Variants in ZNF568 observed in about 807,000 individuals in gnomAD.
The protein encoded by ZNF568 is zinc finger protein 568, also known as p53 inhibitor of SCO2 activation.
A neutral mutation model predicts 18.1 loss-of-function variants in ZNF568; 11 were observed. That is an observed-to-expected ratio of 0.61 (90% CI 0.38 to 1.00). The LOEUF is 1.00. Among genes scored for constraint, ZNF568 ranks in the 50% least tolerant of loss-of-function variants. The probability of loss-of-function intolerance (pLI) is 0.01; values close to 1 mark genes in which losing one functional copy is unlikely to be tolerated. For synonymous variants in ZNF568, 213 were observed against 246.6 expected, an observed-to-expected ratio of 0.86 and a Z score of 1.28; for missense variants, 639 against 768.2, an observed-to-expected ratio of 0.83 and a Z score of 1.99.
chr19:36,974,447 C>G (rs1227512504), exon 7 of ZNF568: 1 of 1,535,880 alleles, frequency 6.5e-7, no homozygotes, highest in African/African-American at 1.4e-5. Context: ...AACTGCTGTG[C>G]GTCTGAAGTG....
rs1184637065 is a variant in ZNF568, at chr19:36,970,282, T to C, written c.359-4138T>C. On this transcript the variant is annotated intron_variant, in intron 6 of 7. Coordinates refer to the ZNF568 transcript ENST00000427117. ...AAATCAGCCTTTTATTTGGAACTTT[T>C]GCATCTATAACCACAAATGAAATTA... Among the ~76,000 whole-genome samples, 8 of 127,016 alleles carry C rather than the reference T, an allele frequency of 6.3e-5. 3 individuals carry two copies. The highest frequency in any genetic ancestry group is 1.0e-4 in the Non-Finnish European group (6 of 58,192). 83.3% of individuals were successfully genotyped at this position (127,016 alleles called of 152,430 possible). A position where few individuals can be genotyped will look rare whatever the true frequency, so the allele number is the denominator to read the frequency against.
chr19:36,980,378 T>C (rs2074321509), downstream of ZNF568: 1 of 152,190 alleles, frequency 6.6e-6, no homozygotes, highest in African/African-American at 2.4e-5. Flanking sequence ...GGGTGTGGTA[T>C]TTCCATTTGG....
intron 3 of ZNF568, among the ~76,000 whole-genome samples, chr19:36,924,033 G>A (rs1353402074): frequency 6.6e-6 from 1 of 152,038 alleles, no homozygotes; most frequent in African/African-American, 2.4e-5. Context: ...GTTTGGGAGA[G>A]AGTGGAAATA....
At chr19:36,994,712 C>T (rs1460688710) in intron 4 of ZNF568, among the ~76,000 whole-genome samples, 2 of 152,066 alleles carry the variant, frequency 1.3e-5, no homozygotes, top group Non-Finnish European at 1.5e-5. Context: ...AGTGTTGTTG[C>T]CCAGGCTGGA....
At chr19:36,945,737 ATG>A (rs35542484) in intron 6 of ZNF568, among the ~76,000 whole-genome samples, 94,636 of 148,848 alleles carry the variant, frequency 0.64, 32,755 homozygotes, top group Non-Finnish European at 0.78. Flanking sequence ...GTGTGATTAT[ATG>A]TGTGTGTGTG....
intron 2 of ZNF568, among the ~76,000 whole-genome samples, chr19:36,987,299 G>A (rs1380013401): frequency 1.3e-5 from 2 of 152,170 alleles, no homozygotes; most frequent in African/African-American, 2.4e-5. Flanking sequence ...GTGTATCTGG[G>A]TAATTGAGCC....
chr19:36,938,254 A>G (rs2073822450), intron 6 of ZNF568, among the ~76,000 whole-genome samples: 1 of 152,142 alleles, frequency 6.6e-6, no homozygotes, highest in Non-Finnish European at 1.5e-5. Flanking sequence ...TATACATTTC[A>G]CTATAATAAT....
chr19:36,939,105 T>A (rs529014306), intron 6 of ZNF568, among the ~76,000 whole-genome samples: 2 of 152,318 alleles, frequency 1.3e-5, no homozygotes, highest in East Asian at 3.9e-4. Flanking sequence ...AGGTTTTGTG[T>A]TGAGAGTTGG....
intron 6 of ZNF568, among the ~76,000 whole-genome samples, chr19:36,962,802 C>T (rs2074165760): frequency 6.6e-6 from 1 of 151,930 alleles, no homozygotes; most frequent in African/African-American, 2.4e-5. Flanking sequence ...ATATATCATC[C>T]CATTTTCTTT....
At chr19:36,986,208 A>C (rs2074375308) in intron 2 of ZNF568, among the ~76,000 whole-genome samples, 1 of 152,178 alleles carries the variant, frequency 6.6e-6, no homozygotes, top group African/African-American at 2.4e-5. Flanking sequence ...CCAGTCAGGC[A>C]GTTTTCCTAG....
At chr19:36,975,739 C>T (rs2074279598) in intron 7 of ZNF568, among the ~76,000 whole-genome samples, 2 of 95,150 alleles carry the variant, frequency 2.1e-5, no homozygotes, top group South Asian at 7.5e-4. Flanking sequence ...GGCTGGAGTG[C>T]AGTGGTGTGA....
intron 4 of ZNF568, among the ~76,000 whole-genome samples, chr19:36,932,171 T>C (rs2146283596): frequency 6.6e-6 from 1 of 152,364 alleles, no homozygotes; most frequent in East Asian, 1.9e-4. Flanking sequence ...TTATGAATAA[T>C]GCTGATAAGA....
intron 7 of ZNF568, among the ~76,000 whole-genome samples, chr19:36,974,949 C>T (rs928998152): frequency 6.6e-6 from 1 of 150,626 alleles, no homozygotes; most frequent in Admixed American, 6.6e-5. Flanking sequence ...GCCTCAGCCT[C>T]CTGAGTAGCC....
At position 36,922,841 on chromosome 19, in the gene ZNF568, G is replaced by C. The variant is rs765362896; in HGVS notation, c.71G>C (p.Arg24Thr). ...TMERLSHMMERKAWCSQESAL... is the reference protein window; with the variant it reads ...TMERLSHMMETKAWCSQESAL... The stretch of plus-strand genomic sequence containing the variant: ...GAGCGTTTGAGCCACATGATGGAAA[G>C]GAAAGGTGAGGTGGCTCATAGGTGG... The change falls in exon 3 of 7, where the codon AGG becomes ACG. Residue 24 changes from arginine to threonine, a missense_variant. Arg to Thr is a moderately conservative substitution (Grantham distance 71). Transcript: ENST00000333987. 6.2e-7 allele frequency: 1 copy of C among 1,613,820 alleles called. No individual in the cohort carries two copies. The highest frequency in any genetic ancestry group is 8.5e-7 in the Non-Finnish European group (1 of 1,179,900).
chr19:36,974,721 C>T (rs1284964175), intron 7 of ZNF568, among the ~76,000 whole-genome samples: 13 of 152,068 alleles, frequency 8.5e-5, no homozygotes, highest in Non-Finnish European at 1.9e-4. Flanking sequence ...GAACATGCCT[C>T]AGTGATTTGG....
At chr19:36,978,982 CTT>C (rs750326116) in intron 7 of ZNF568, 3,784 of 256,928 alleles carry the variant, frequency 0.015, no homozygotes, top group South Asian at 0.024. Flanking sequence ...TTGTAACTAT[CTT>C]TTTTTTTTTT....
intron 4 of ZNF568, among the ~76,000 whole-genome samples, chr19:36,928,754 A>G (rs1412267920): frequency 1.3e-5 from 2 of 152,202 alleles, no homozygotes; most frequent in Admixed American, 1.3e-4. Context: ...TGGAAGAATG[A>G]TGCTCAGACT....
At chr19:36,919,178 T>A (rs2073407324) in intron 2 of ZNF568, among the ~76,000 whole-genome samples, 2 of 152,202 alleles carry the variant, frequency 1.3e-5, no homozygotes, top group Non-Finnish European at 2.9e-5. Flanking sequence ...ATTGTCATAG[T>A]GTTTTCGATA....
In ZNF568 at chr19:36,949,949, AT is replaced by A. The variant is rs1236015870; in HGVS notation, c.798del (p.Thr267HisfsTer115). On this transcript the variant is annotated frameshift_variant, in exon 7 of 7. Coordinates refer to ENST00000333987, the MANE Select transcript of ZNF568 (RefSeq NM_198539.4). LOFTEE classifies it low-confidence loss of function (END_TRUNC). ...AGCCTTCAGTAGGAAGGAAAATCTT[AT>A]TACACATCAGAAAATTCATACTGGG... ...GKAFSRKENLITHQKIHTGEK... is the reference protein window; with the variant it reads ...GKAFSRKENLXTHQKIHTGEK... 1.9e-6 allele frequency: 3 copies of A among 1,613,784 alleles called. No individual in the cohort carries two copies. The African/African-American group carries it at 4.0e-5, about 22-fold the overall frequency.
Sources: gnomAD v4.1 joint callset for allele counts (sites outside exome capture counted in the v4.1 genomes callset) on GRCh38, gnomAD v4.1.1 for gene constraint, MANE v1.5 for transcripts, NCBI Gene and HGNC (gene_info 2026-07-23, HGNC 2026-07-21) for gene names.